The following TMEM182 variants were observed in gnomAD, a reference collection of about 807,000 sequenced individuals.
TMEM182 encodes the protein transmembrane protein 182.
TMEM182 carries 20 observed loss-of-function variants against 26.8 expected under a neutral mutation model. The ratio of observed to expected loss-of-function variants is 0.75; its 90% CI spans 0.53 to 1.09. The LOEUF is 1.09. Among genes scored for constraint, TMEM182 ranks in the 50% least tolerant of loss-of-function variants. The probability of loss-of-function intolerance (pLI) is 0.00; values close to 1 mark genes in which losing one functional copy is unlikely to be tolerated. For synonymous variants in TMEM182, 109 were observed against 102.2 expected, an observed-to-expected ratio of 1.07 and a Z score of -0.40; for missense variants, 277 against 275.5, an observed-to-expected ratio of 1.01 and a Z score of -0.04.
intron 3 of TMEM182, among the ~76,000 whole-genome samples, chr2:102,780,277 A>G (rs959003570): frequency 6.6e-6 from 1 of 152,122 alleles, no homozygotes; most frequent in African/African-American, 2.4e-5. Context: ...TTCCTTTCAT[A>G]CTACCCCAGT....
Position 102,797,897 on chromosome 2 carries a change from G to A in TMEM182, c.366G>A (p.Leu122=). Residue 122 remains leucine (L), a synonymous_variant, in exon 4 of 5, where the codon CTG becomes CTA. Coordinates refer to ENST00000412401, the MANE Select transcript of TMEM182 (RefSeq NM_144632.5). ...YRGFWAVLML[L]GVVAVVIASF... ...GTTTCTGGGCAGTCCTGATGCTCCT[G>A]GGGGTAGTTGCTGTAGTCATCGCAA... 7.4e-6 allele frequency: 12 copies of A among 1,614,054 alleles called. No homozygotes were observed. The highest frequency in any genetic ancestry group is 1.1e-5 in the South Asian group (1 of 91,062).
At chr2:102,767,744 G>A (rs1680510229) in intron 3 of TMEM182, among the ~76,000 whole-genome samples, 1 of 152,114 alleles carries the variant, frequency 6.6e-6, no homozygotes, top group African/African-American at 2.4e-5. Context: ...CAATAAACTA[G>A]TTTGATTTTA....
In TMEM182 at chr2:102,815,247, G is replaced by C; in HGVS notation, c.*279G>C. The C allele has an allele frequency of 8.5e-7, 1 of 1,173,292 alleles. No homozygotes were observed. Among genetic ancestry groups the C allele is most frequent in the Non-Finnish European group, 1.1e-6 (1 of 947,746 alleles). The allele number at this position is 1,173,292 out of a possible 1,614,324, so 72.7% of individuals were successfully genotyped here. On this transcript the variant is annotated 3_prime_UTR_variant, in exon 5 of 5. Coordinates refer to ENST00000412401, the MANE Select transcript of TMEM182 (RefSeq NM_144632.5). ...ATTGAACATGTTAGAGTTCATGCAG[G>C]TCGCAAAGGCCTGATAATAGCTTAA...
intron 4 of TMEM182, among the ~76,000 whole-genome samples, chr2:102,813,587 A>G (rs1448013670): frequency 6.6e-6 from 1 of 152,194 alleles, no homozygotes; most frequent in Non-Finnish European, 1.5e-5. Flanking sequence ...CGGTTTGTGT[A>G]TGGAGCCTGT....
intron 2 of TMEM182, among the ~76,000 whole-genome samples, chr2:102,764,083 A>G (rs1041249842): frequency 6.6e-6 from 1 of 152,192 alleles, no homozygotes; most frequent in East Asian, 1.9e-4. Context: ...GGGCATTTGC[A>G]TTTATTCCAT....
At chr2:102,780,016 T>C (rs747900553) in intron 3 of TMEM182, among the ~76,000 whole-genome samples, 1 of 152,104 alleles carries the variant, frequency 6.6e-6, no homozygotes. Context: ...GAAAAAAAAT[T>C]TGGCTCAAGC....
At chr2:102,805,735 T>A (rs1387165484) in intron 4 of TMEM182, among the ~76,000 whole-genome samples, 1 of 152,084 alleles carries the variant, frequency 6.6e-6, no homozygotes, top group African/African-American at 2.4e-5. Flanking sequence ...GGTTTTCAGA[T>A]GTGCAAAGTG....
intron 3 of TMEM182, among the ~76,000 whole-genome samples, chr2:102,827,021 T>G (rs1683044650): frequency 6.6e-6 from 1 of 152,222 alleles, no homozygotes; most frequent in South Asian, 2.1e-4. Context: ...ACCTCAGCTT[T>G]ACTTGCCCTT....
At chr2:102,799,640 C>T (rs901936121) in intron 4 of TMEM182, among the ~76,000 whole-genome samples, 4 of 152,200 alleles carry the variant, frequency 2.6e-5, no homozygotes, top group Non-Finnish European at 5.9e-5. Context: ...GAGGCCTGTC[C>T]GTTTAGCTTC....
In TMEM182 at chr2:102,815,499, T is replaced by C; in HGVS notation, c.*531T>C. ...CAGTTGTTCTAATTAGTGGGAGCCA[T>C]GTACTCACCAGTTAAAATGGGCCAC... is the stretch of plus-strand genomic sequence containing the variant. On this transcript the variant is annotated 3_prime_UTR_variant, in exon 5 of 5. Coordinates refer to ENST00000412401, the MANE Select transcript of TMEM182 (RefSeq NM_144632.5). 1.0e-6 allele frequency: 1 copy of C among 986,354 alleles called. No homozygotes were observed. The highest frequency in any genetic ancestry group is 1.2e-6 in the Non-Finnish European group (1 of 830,616). 61.1% of individuals were successfully genotyped at this position (986,354 alleles called of 1,614,324 possible).
intron 3 of TMEM182, among the ~76,000 whole-genome samples, chr2:102,829,464 C>T (rs529110284): frequency 6.6e-6 from 1 of 152,176 alleles, no homozygotes; most frequent in Non-Finnish European, 1.5e-5. Context: ...TTTCTCTTTT[C>T]GCCCCCATCT....
upstream of TMEM182, chr2:102,762,026 A>G (rs1680230406): frequency 2.0e-6 from 1 of 499,762 alleles, no homozygotes; most frequent in South Asian, 2.2e-5. Context: ...GAGCAAAGGG[A>G]ATATGAATCT....
chr2:102,839,810 C>A (rs1299224356), intron 3 of TMEM182, among the ~76,000 whole-genome samples: 1 of 152,102 alleles, frequency 6.6e-6, no homozygotes, highest in Non-Finnish European at 1.5e-5. Flanking sequence ...TCTCAGCGTG[C>A]GACTTCTGAA....
Position 102,762,222 on chromosome 2 carries a change from G to A in TMEM182, c.5G>A (p.Arg2Lys). 6.2e-7 allele frequency: 1 copy of A among 1,609,612 alleles called. No homozygotes were observed. The highest frequency in any genetic ancestry group is 1.3e-5 in the African/African-American group (1 of 74,578). Reference protein sequence around the residue: MRLNIAIFFGAL... With the variant: MKLNIAIFFGAL... ...AAGGAAACCAGTGAATTGAAAATGA[G>A]ACTAAATATCGCTATCTTCTTTGGA... is the stretch of plus-strand genomic sequence containing the variant. Residue 2 changes from arginine to lysine, a missense_variant, in exon 1 of 5, where the codon AGA (arginine) becomes AAA (lysine). Coordinates refer to ENST00000412401, the MANE Select transcript of TMEM182 (RefSeq NM_144632.5).
intron 3 of TMEM182, among the ~76,000 whole-genome samples, chr2:102,779,645 T>A (rs185590534): frequency 6.6e-6 from 1 of 152,220 alleles, no homozygotes; most frequent in Non-Finnish European, 1.5e-5. Context: ...TTAGTAATTA[T>A]ATCTTCCAAT....
At chr2:102,766,201 G>A (rs1165363308) in intron 3 of TMEM182, among the ~76,000 whole-genome samples, 1 of 152,180 alleles carries the variant, frequency 6.6e-6, no homozygotes, top group Non-Finnish European at 1.5e-5. Flanking sequence ...GCACTTCAAG[G>A]AGATAGTGGA....
At chr2:102,812,421 A>ACACACG (rs1246165280) in intron 4 of TMEM182, among the ~76,000 whole-genome samples, 2 of 148,058 alleles carry the variant, frequency 1.4e-5, no homozygotes, top group African/African-American at 5.2e-5. Flanking sequence ...ACACACACAC[A>ACACACG]CACACACACT....
intron 1 of TMEM182, 94 bp downstream of exon 1, chr2:102,762,443 A>G (rs950466869): frequency 3.8e-6 from 6 of 1,560,184 alleles, no homozygotes; most frequent in African/African-American, 1.4e-5. Flanking sequence ...TGGAGTGTCT[A>G]TTTCTTCATG....
At chr2:102,746,832 C>T (rs896696753) in intron 1 of TMEM182, among the ~76,000 whole-genome samples, 1 of 152,158 alleles carries the variant, frequency 6.6e-6, no homozygotes. Context: ...TATGATTCGC[C>T]CGTCTCGGCC....
Sources: gnomAD v4.1 joint callset for allele counts (sites outside exome capture counted in the v4.1 genomes callset) on GRCh38, gnomAD v4.1.1 for gene constraint, MANE v1.5 for transcripts, NCBI Gene and HGNC (gene_info 2026-07-23, HGNC 2026-07-21) for gene names.